The following LDB1 variants were observed in gnomAD, a reference collection of about 807,000 sequenced individuals.
LDB1 encodes LIM domain-binding protein 1.
A neutral mutation model predicts 49.7 loss-of-function variants in LDB1; 6 were observed. The ratio of observed to expected loss-of-function variants is 0.12; its 90% CI spans 0.07 to 0.24. The LOEUF is 0.24. Ranked by LOEUF, LDB1 falls within the 10% of genes least tolerant of loss-of-function variation. The pLI is 1.00. For missense variants in LDB1, 341 were observed against 561.7 expected (o/e 0.61, Z 3.97); for synonymous variants, 233 against 202.0 (o/e 1.15, Z -1.30).
chr10:102,120,525 T>A, upstream of LDB1: 1 of 300,388 alleles, frequency 3.3e-6, no homozygotes, highest in Non-Finnish European at 4.9e-6. Context: ...ATTAATATGC[T>A]AATTGTCCTG....
downstream of LDB1, among the ~76,000 whole-genome samples, chr10:102,105,736 T>G (rs1377499637): frequency 7.0e-6 from 1 of 142,734 alleles, no homozygotes; most frequent in Non-Finnish European, 1.5e-5. Flanking sequence ...CCAAGGCGGG[T>G]GGATCACCTG....
chr10:102,120,203 GC>G lies in LDB1; in HGVS notation c.-94del. On this transcript the variant is annotated 5_prime_UTR_variant, in exon 1 of 11. Coordinates refer to ENST00000673968, the MANE Select transcript of LDB1 (RefSeq NM_001113407.3). ...GCATGAGCCGCCGCCGCCGCCCGCG[GC>G]CCCCGCTGCGCTCGCCGCCGGCCCG... 9.7e-7 allele frequency: 1 copy of G among 1,035,882 alleles called. No homozygotes were observed. The allele number at this position is 1,035,882 out of a possible 1,614,324, so 64.2% of individuals were successfully genotyped here. A position where few individuals can be genotyped will look rare whatever the true frequency, so the allele number is the denominator to read the frequency against.
At chr10:102,112,109 G>A (rs1034864985) in intron 1 of LDB1, among the ~76,000 whole-genome samples, 1 of 152,190 alleles carries the variant, frequency 6.6e-6, no homozygotes, top group African/African-American at 2.4e-5. Flanking sequence ...CTGAGTCCTA[G>A]ATGACAGAAG....
rs770225174 is a variant in LDB1, at chr10:102,111,284, G to C, written c.145C>G (p.Pro49Ala). 1.2e-6 allele frequency: 2 copies of C among 1,614,164 alleles called. No homozygotes were observed. The highest frequency in any genetic ancestry group is 3.3e-5 in the Admixed American group (2 of 60,024). The change falls in exon 3 of 11, where the codon CCG becomes GCG. Residue 49 changes from proline to alanine, a missense_variant. Transcript: ENST00000673968. ...DRDVGPTPMY[P>A]PTYLEPGIGR... is the part of the protein sequence containing the mutation. ...ATCCCTGGCTCCAGGTATGTAGGCG[G>C]ATACATGGGAGTTGGGCTGTGTAAA...
chr10:102,106,032 T>C (rs1424136963), downstream of LDB1, among the ~76,000 whole-genome samples: 3 of 152,004 alleles, frequency 2.0e-5, no homozygotes, highest in Admixed American at 6.6e-5. Flanking sequence ...GACTGGGGGC[T>C]GGGTAGGGGT....
chr10:102,120,705 G>A (rs542742019), upstream of LDB1, among the ~76,000 whole-genome samples: 1 of 152,306 alleles, frequency 6.6e-6, no homozygotes, highest in African/African-American at 2.4e-5. Context: ...CCCCAGAGAG[G>A]GAGGGCGAAG....
chr10:102,107,835 C>A lies in LDB1; in HGVS notation c.*258G>T. 1.8e-6 allele frequency: 1 copy of A among 555,320 alleles called. No homozygotes were observed. Among genetic ancestry groups the A allele is most frequent in the Non-Finnish European group, 3.2e-6 (1 of 309,564 alleles). The allele number at this position is 555,320 out of a possible 1,614,324, so 34.4% of individuals were successfully genotyped here. A position where few individuals can be genotyped will look rare whatever the true frequency, so the allele number is the denominator to read the frequency against. ...CCTGGGGGGTGGTCAGGACATGTCT[C>A]AGAGGCCCAGGTTCCAAGTAGGCAT... On this transcript the variant is annotated 3_prime_UTR_variant, in exon 11 of 11. Coordinates refer to ENST00000673968, the MANE Select transcript of LDB1 (RefSeq NM_001113407.3).
downstream of LDB1, among the ~76,000 whole-genome samples, chr10:102,103,307 C>T (rs1041239507): frequency 6.8e-6 from 1 of 146,902 alleles, no homozygotes; most frequent in African/African-American, 2.6e-5. Flanking sequence ...GGAGTACAGG[C>T]GTTCTGAACC....
In LDB1 at chr10:102,117,483, C is replaced by A. The variant is rs1294724246; in HGVS notation, c.25+2603G>T. 6.6e-6 allele frequency among the ~76,000 whole-genome samples: 1 copy of A among 152,116 alleles called. No homozygotes were observed. Among genetic ancestry groups the A allele is most frequent in the African/African-American group, 2.4e-5 (1 of 41,406 alleles). ...AAAGTACTCCTCCTGGAGGTGGGGA[C>A]TCAAAGGACAGCAGCCAGCCCCAGC... On this transcript the variant is annotated intron_variant, in intron 1 of 10. Transcript: ENST00000673968. The surrounding 1 kb of genome is among the most constrained non-coding windows in gnomAD (Gnocchi z 4.2).
Position 102,120,361 on chromosome 10 carries a change from G to C in LDB1, c.-251C>G, listed in dbSNP as rs61874768. On this transcript the variant is annotated 5_prime_UTR_variant, in exon 1 of 11. Transcript: ENST00000673968. ...GTGTGCGCGCGGGTGTGAGTCCGCG[G>C]AGTGTGTGTCCGTGTGTGCGTGTGT... is the stretch of plus-strand genomic sequence containing the variant. 6 of 984,728 alleles carry C rather than the reference G, an allele frequency of 6.1e-6. No individual in the cohort carries two copies. The highest frequency in any genetic ancestry group is 7.2e-6 in the Non-Finnish European group (6 of 829,756). The allele number at this position is 984,728 out of a possible 1,614,324, so 61.0% of individuals were successfully genotyped here. A position where few individuals can be genotyped will look rare whatever the true frequency, so the allele number is the denominator to read the frequency against.
chr10:102,104,405 C>T (rs1411688155), downstream of LDB1, among the ~76,000 whole-genome samples: 1 of 152,132 alleles, frequency 6.6e-6, no homozygotes. Flanking sequence ...TAAACAGATC[C>T]AGGCCCTCCC....
intron 10 of LDB1, 33 bp downstream of exon 10, chr10:102,108,996 G>A (rs1305441002): frequency 2.5e-6 from 4 of 1,613,986 alleles, no homozygotes; most frequent in Non-Finnish European, 2.5e-6. Flanking sequence ...TGGTGGGGCA[G>A]CCCAGAAGAG....
Position 102,120,325 on chromosome 10 carries a change from G to C in LDB1, c.-215C>G. On this transcript the variant is annotated 5_prime_UTR_variant, in exon 1 of 11. Transcript: ENST00000673968. ...AAGGAAGCCAGGCAGGAAGGCGAGC[G>C]GCCTCTGCGTGTGTGCGCGCGGGTG... is the stretch of plus-strand genomic sequence containing the variant. 1 of 984,718 alleles carries C rather than the reference G, an allele frequency of 1.0e-6. No homozygotes were observed. The highest frequency in any genetic ancestry group is 1.7e-5 in the African/African-American group (1 of 57,226). 61.0% of individuals were successfully genotyped at this position (984,718 alleles called of 1,614,324 possible).
At chr10:102,118,091 A>C (rs897507895) in intron 1 of LDB1, among the ~76,000 whole-genome samples, 2 of 151,850 alleles carry the variant, frequency 1.3e-5, no homozygotes, top group Admixed American at 6.6e-5. Context: ...AAGGTGGGGG[A>C]AATCTTTGGG....
chr10:102,114,311 C>G, intron 1 of LDB1: 2 of 985,444 alleles, frequency 2.0e-6, no homozygotes, highest in Non-Finnish European at 2.4e-6. Context: ...CGGCTCTGGG[C>G]TGGGGCACCT....
At position 102,109,708 on chromosome 10, in the gene LDB1, A is replaced by C. The variant is rs774876810; in HGVS notation, c.649-25T>G. 65 of 1,610,574 alleles carry C rather than the reference A, an allele frequency of 4.0e-5. No homozygotes were observed. In the South Asian group the frequency reaches 6.8e-4, roughly 17 times the overall value. On this transcript the variant is annotated intron_variant, in intron 7 of 10. Transcript: ENST00000673968. This position sits in a 1 kb window ranked among gnomAD's most constrained non-coding sequence, Gnocchi z 5.8. ...CCTAGAGTGGGAGAAAAGACAAGAA[A>C]GAACACTGACACCTGGGTTGCCTCT...
Position 102,109,555 on chromosome 10 carries a change from G to A in LDB1, c.732+45C>T, listed in dbSNP as rs771089604. On this transcript the variant is annotated intron_variant, in intron 8 of 10. Transcript: ENST00000673968. The surrounding 1 kb of genome is among the most constrained non-coding windows in gnomAD (Gnocchi z 5.8). Reference sequence around the variant, plus strand: ...CTTGTCAGGGGACAGACATGGAGCCGAGACTAAATGGACTGGGGCAGAAAC... The same window carrying A: ...CTTGTCAGGGGACAGACATGGAGCCAAGACTAAATGGACTGGGGCAGAAAC... 9.9e-6 allele frequency: 16 copies of A among 1,614,112 alleles called. No individual in the cohort carries two copies. In the East Asian group the frequency reaches 1.3e-4, roughly 13 times the overall value.
At chr10:102,112,208 T>C (rs183613714) in intron 1 of LDB1, among the ~76,000 whole-genome samples, 15 of 152,334 alleles carry the variant, frequency 9.8e-5, no homozygotes, top group African/African-American at 3.4e-4. Flanking sequence ...TTAATCTACA[T>C]ACTTTCACTC....
chr10:102,102,214 C>T (rs922533448), downstream of LDB1, among the ~76,000 whole-genome samples: 3 of 152,218 alleles, frequency 2.0e-5, no homozygotes, highest in Non-Finnish European at 4.4e-5. Flanking sequence ...CGTAAGCCAC[C>T]GCACCTGGCC....
Sources: allele counts gnomAD v4.1 joint callset (sites outside exome capture counted in the v4.1 genomes callset), GRCh38; gene constraint gnomAD v4.1.1; non-coding constraint Gnocchi (gnomAD v3.1); transcripts MANE v1.5; gene names NCBI Gene and HGNC (gene_info 2026-07-23, HGNC 2026-07-21).